Variants in RAD51B observed in about 807,000 individuals in gnomAD.
The protein encoded by RAD51B is DNA repair protein RAD51 homolog 2.
RAD51B carries 38 observed loss-of-function variants against 42.2 expected under a neutral mutation model. The ratio of observed to expected loss-of-function variants is 0.90; its 90% CI spans 0.70 to 1.18. RAD51B has a LOEUF of 1.18. RAD51B is among the 50% of genes most tolerant of loss of function. The pLI is 0.00. For missense variants in RAD51B, 373 were observed against 400.7 expected (o/e 0.93, Z 0.59); for synonymous variants, 154 against 145.2 (o/e 1.06, Z -0.43).
intron 9 of RAD51B, among the ~76,000 whole-genome samples, chr14:68,445,890 T>C (rs1252186449): frequency 3.9e-5 from 6 of 152,150 alleles, no homozygotes; most frequent in African/African-American, 1.4e-4. Context: ...AAATGTGGTG[T>C]TGGACTGAGA....
chr14:68,628,821 A>T (rs983736606), intron 10 of RAD51B, among the ~76,000 whole-genome samples: 5 of 152,004 alleles, frequency 3.3e-5, no homozygotes, highest in African/African-American at 1.2e-4. Flanking sequence ...GGAGGAGCTG[A>T]GGTTTCGGCT....
chr14:68,509,056 A>G (rs975382683), intron 10 of RAD51B, among the ~76,000 whole-genome samples: 14 of 152,334 alleles, frequency 9.2e-5, no homozygotes, highest in Admixed American at 8.5e-4. Flanking sequence ...CTGGGAAAAT[A>G]GGGGGCCCTG....
At chr14:67,838,865 C>G (rs1171164487) in intron 4 of RAD51B, among the ~76,000 whole-genome samples, 3 of 150,080 alleles carry the variant, frequency 2.0e-5, no homozygotes, top group East Asian at 1.9e-4. Context: ...AAATAAAGAA[C>G]TTTCCTCCAT....
chr14:68,614,737 C>T (rs1313746292), downstream of RAD51B, among the ~76,000 whole-genome samples: 1 of 152,224 alleles, frequency 6.6e-6, no homozygotes. Flanking sequence ...TATGGATAAA[C>T]CACATTTTGT....
chr14:68,341,474 C>T (rs2082570763), intron 8 of RAD51B, among the ~76,000 whole-genome samples: 1 of 151,890 alleles, frequency 6.6e-6, no homozygotes, highest in Non-Finnish European at 1.5e-5. Context: ...AAAGTGATTT[C>T]TAAGTTTATG....
At chr14:67,978,658 A>G (rs1014485029) in intron 7 of RAD51B, among the ~76,000 whole-genome samples, 1 of 152,128 alleles carries the variant, frequency 6.6e-6, no homozygotes, top group Non-Finnish European at 1.5e-5. Flanking sequence ...TTAAAAGACT[A>G]TTGCTTTCTC....
At chr14:67,836,652 A>G (rs1467736244) in intron 4 of RAD51B, among the ~76,000 whole-genome samples, 1 of 151,962 alleles carries the variant, frequency 6.6e-6, no homozygotes, top group Non-Finnish European at 1.5e-5. Context: ...TTTACTAGAG[A>G]TGGGGTTTCA....
chr14:68,174,504 GATATAGTACC>G (rs2140866235), intron 7 of RAD51B, among the ~76,000 whole-genome samples: 1 of 152,250 alleles, frequency 6.6e-6, no homozygotes, highest in African/African-American at 2.4e-5. Context: ...GAGCAACTTA[GATATAGTACC>G]TTGAGCCTTT....
At chr14:68,478,881 G>A (rs1882937845), downstream of RAD51B, among the ~76,000 whole-genome samples, 1 of 152,186 alleles carries the variant, frequency 6.6e-6, no homozygotes, top group Non-Finnish European at 1.5e-5. Flanking sequence ...CTCAGGTAAA[G>A]CTTGAAAACA....
At chr14:68,013,765 A>G (rs745865786) in intron 7 of RAD51B, among the ~76,000 whole-genome samples, 15 of 152,196 alleles carry the variant, frequency 9.9e-5, no homozygotes, top group Non-Finnish European at 1.9e-4. Flanking sequence ...TGCATGCATC[A>G]TATTAGAATA....
chr14:68,416,169 G>A (rs1285218814), intron 9 of RAD51B, among the ~76,000 whole-genome samples: 4 of 152,154 alleles, frequency 2.6e-5, no homozygotes, highest in African/African-American at 9.7e-5. Flanking sequence ...TTGCATCTTA[G>A]AAGTATTGCA....
At chr14:67,976,230 C>T (rs960722753) in intron 7 of RAD51B, among the ~76,000 whole-genome samples, 3 of 151,800 alleles carry the variant, frequency 2.0e-5, no homozygotes, top group African/African-American at 7.3e-5. Flanking sequence ...AATCTTCGTG[C>T]CTCAGCCTCC....
intron 7 of RAD51B, among the ~76,000 whole-genome samples, chr14:67,973,611 G>C (rs776463247): frequency 2.0e-5 from 3 of 152,082 alleles, no homozygotes; most frequent in South Asian, 2.1e-4. Flanking sequence ...AACCTGGTGT[G>C]GTCCCTTAAC....
chr14:68,090,399 A>G (rs1225914793), intron 7 of RAD51B, among the ~76,000 whole-genome samples: 2 of 152,146 alleles, frequency 1.3e-5, no homozygotes, highest in African/African-American at 4.8e-5. Flanking sequence ...CTTTTAACAG[A>G]TTGTTCTAAA....
intron 10 of RAD51B, among the ~76,000 whole-genome samples, chr14:68,559,924 C>T (rs1436941593): frequency 1.3e-5 from 2 of 152,176 alleles, no homozygotes; most frequent in African/African-American, 2.4e-5. Context: ...CTGCTGGCTG[C>T]GCGGCTCTTC....
At chr14:68,419,222 A>G (rs868664666) in intron 9 of RAD51B, among the ~76,000 whole-genome samples, 9 of 152,206 alleles carry the variant, frequency 5.9e-5, no homozygotes, top group Non-Finnish European at 1.0e-4. Context: ...GGGTCACACA[A>G]CTAGTAGGTA....
At chr14:67,895,189 T>G (rs765780897) in intron 7 of RAD51B, among the ~76,000 whole-genome samples, 2 of 152,246 alleles carry the variant, frequency 1.3e-5, no homozygotes, top group African/African-American at 2.4e-5. Flanking sequence ...ACATTGGAAA[T>G]GAAGGCCAGT....
At chr14:68,077,171 T>A (rs1275911830) in intron 7 of RAD51B, among the ~76,000 whole-genome samples, 1 of 152,204 alleles carries the variant, frequency 6.6e-6, no homozygotes, top group Non-Finnish European at 1.5e-5. Context: ...ATGAAGTAAG[T>A]CATGGGCTAG....
At chr14:68,092,244 T>C (rs1292177535) in intron 7 of RAD51B, among the ~76,000 whole-genome samples, 2 of 152,304 alleles carry the variant, frequency 1.3e-5, no homozygotes, top group Admixed American at 6.5e-5. Context: ...AGAAAGTCAT[T>C]GGTAGCTTGA....
Sources: gnomAD v4.1 joint callset for allele counts (sites outside exome capture counted in the v4.1 genomes callset) on GRCh38, gnomAD v4.1.1 for gene constraint, MANE v1.5 for transcripts, NCBI Gene and HGNC (gene_info 2026-07-23, HGNC 2026-07-21) for gene names.